Variants in RAD1 observed in about 807,000 individuals in gnomAD.
RAD1 encodes the protein RAD1 checkpoint DNA exonuclease.
RAD1 carries 21 observed loss-of-function variants against 30.0 expected under a neutral mutation model. That is an observed-to-expected ratio of 0.70 (90% CI 0.50 to 1.01). The LOEUF is 1.01. Ranked by LOEUF, RAD1 falls within the 50% of genes least tolerant of loss-of-function variation. The pLI is 0.00. For synonymous variants in RAD1, 109 were observed against 113.6 expected, an observed-to-expected ratio of 0.96 and a Z score of 0.26; for missense variants, 329 against 329.0, an observed-to-expected ratio of 1.00 and a Z score of 0.00.
chr5:34,911,919 TTCTCACATATATGTA>T, intron 3 of RAD1, 107 bp from the exon 4 acceptor site: 1 of 1,288,174 alleles, frequency 7.8e-7, no homozygotes, highest in Non-Finnish European at 1.1e-6. Context: ...TCCGCCCAAT[TTCTCACATATATGTA>T]TCTCCTCATA....
Position 34,907,584 on chromosome 5 carries a change from C to A in RAD1, c.*1181G>T, listed in dbSNP as rs1284973185. 1.3e-5 allele frequency: 2 copies of A among 152,096 alleles called. No homozygotes were observed. Among genetic ancestry groups the A allele is most frequent in the Non-Finnish European group, 2.9e-5 (2 of 68,008 alleles). 9.4% of individuals were successfully genotyped at this position (152,096 alleles called of 1,614,324 possible). ...TTTAGTGACAACTACCAGGAAAGTA[C>A]AAAATCACTTAATAACTGGTTTTCT... On this transcript the variant is annotated 3_prime_UTR_variant, in exon 6 of 6. Transcript: ENST00000382038.
chr5:34,910,898 T>TA (rs1282210296), intron 4 of RAD1, among the ~76,000 whole-genome samples: 2 of 152,358 alleles, frequency 1.3e-5, no homozygotes, highest in African/African-American at 2.4e-5. Context: ...AGACTTGTGT[T>TA]AAACTATCAA....
rs368310001 is a variant in RAD1 at position 34,908,827 on chromosome 5, G to T, written c.787C>A (p.Gln263Lys). The change falls in exon 6 of 6, where the codon CAA becomes AAA. Residue 263 changes from glutamine to lysine, a missense_variant. Coordinates refer to ENST00000382038, the MANE Select transcript of RAD1 (RefSeq NM_002853.4). ...LQYMIRNEDG[Q>K]ICFVEYYCCP... ...CAGTAATATTCCACAAAACATATTT[G>T]TCCATCTTCATTTCTAATCATATAC... The T allele has an allele frequency of 1.7e-5, 28 of 1,612,734 alleles. No individual in the cohort carries two copies. Among genetic ancestry groups the T allele is most frequent in the Non-Finnish European group, 2.2e-5 (26 of 1,179,610 alleles).
chr5:34,915,504 T>C lies in RAD1; in HGVS notation c.-158A>G, dbSNP rs1159554274. The C allele has an allele frequency of 4.6e-6, 2 of 438,248 alleles. No homozygotes were observed. Among genetic ancestry groups the C allele is most frequent in the Non-Finnish European group, 8.0e-6 (2 of 251,278 alleles). 27.1% of individuals were successfully genotyped at this position (438,248 alleles called of 1,614,324 possible). A position where few individuals can be genotyped will look rare whatever the true frequency, so the allele number is the denominator to read the frequency against. ...CGGCTCCGAGGAACCGCGGAGGAAG[T>C]GAAGCCAGTCCCGCCACTCTTCAGA... On this transcript the variant is annotated 5_prime_UTR_variant, in exon 1 of 6. Coordinates refer to ENST00000382038, the MANE Select transcript of RAD1 (RefSeq NM_002853.4).
In RAD1 at chr5:34,913,584, A is replaced by G; in HGVS notation, c.199-6T>C. The G allele has an allele frequency of 6.6e-7, 1 of 1,519,122 alleles. No homozygotes were observed. The highest frequency in any genetic ancestry group is 9.0e-7 in the Non-Finnish European group (1 of 1,114,940). 94.1% of individuals were successfully genotyped at this position (1,519,122 alleles called of 1,614,324 possible). A position where few individuals can be genotyped will look rare whatever the true frequency, so the allele number is the denominator to read the frequency against. On this transcript the variant is annotated splice_region_variant and splice_polypyrimidine_tract_variant and intron_variant, in intron 2 of 5. Transcript: ENST00000382038. ...AACTCCTGAAATATTCCAGCCTATG[A>G]AAAGAGTAAAAATGAAAATTGTTAC...
In RAD1 at chr5:34,906,134, T is replaced by C. The variant is rs1288241256; in HGVS notation, c.*2631A>G. 6.6e-6 allele frequency: 1 copy of C among 151,876 alleles called. No homozygotes were observed. The highest frequency in any genetic ancestry group is 1.9e-4 in the East Asian group (1 of 5,136). 9.4% of individuals were successfully genotyped at this position (151,876 alleles called of 1,614,324 possible). On this transcript the variant is annotated 3_prime_UTR_variant, in exon 6 of 6. Transcript: ENST00000382038. ...CACACCCAGCTAATTTTTGTATTTT[T>C]AGTAGAGGTAGGGGTTTCACCATGT... is the stretch of plus-strand genomic sequence containing the variant.
chr5:34,911,777 A>G lies in RAD1; in HGVS notation c.343T>C (p.Tyr115His). ...AGGAACAGCATCAAAGGGTAACCAT[A>G]ACCTTGGTAACACATTCGAAGTGCA... The part of the protein sequence containing the change: ...LTALRMCYQG[Y>H]GYPLMLFLEE... Residue 115 changes from tyrosine (Y) to histidine (H), a missense_variant, in exon 4 of 6, where the codon TAT (tyrosine) becomes CAT (histidine). Tyr to His is a moderately conservative substitution (Grantham distance 83). Transcript: ENST00000382038. 6.2e-7 allele frequency: 1 copy of G among 1,614,166 alleles called. No individual in the cohort carries two copies. Among genetic ancestry groups the G allele is most frequent in the Non-Finnish European group, 8.5e-7 (1 of 1,180,014 alleles).
rs1386900301 is a variant in RAD1, at chr5:34,905,641, G to C, written c.*3124C>G. On this transcript the variant is annotated 3_prime_UTR_variant, in exon 6 of 6. Coordinates refer to ENST00000382038, the MANE Select transcript of RAD1 (RefSeq NM_002853.4). ...AGTAAGCACCATTTTACTAGAAAGA[G>C]AGATAAACTTCAAAAAGACAGAACT... The C allele has an allele frequency of 6.6e-6, 1 of 151,930 alleles. No individual in the cohort carries two copies. Among genetic ancestry groups the C allele is most frequent in the Non-Finnish European group, 1.5e-5 (1 of 67,990 alleles). 9.4% of individuals were successfully genotyped at this position (151,930 alleles called of 1,614,324 possible). A position where few individuals can be genotyped will look rare whatever the true frequency, so the allele number is the denominator to read the frequency against.
chr5:34,915,031 G>C (rs1764003502), intron 1 of RAD1, 70 bp from the exon 2 acceptor site: 1 of 832,690 alleles, frequency 1.2e-6, no homozygotes, highest in African/African-American at 1.7e-5. Flanking sequence ...TGCGCTGAGA[G>C]GTGGAAAGGG....
rs2111925217 is a variant in RAD1 at position 34,907,825 on chromosome 5, A to G, written c.*940T>C. ...TTTGGTGATGCCTCAACTTCAGAAC[A>G]TTTGCAAGGAAATCACATGTAAAAG... On this transcript the variant is annotated 3_prime_UTR_variant, in exon 6 of 6. Coordinates refer to ENST00000382038, the MANE Select transcript of RAD1 (RefSeq NM_002853.4). The G allele has an allele frequency of 6.6e-6, 1 of 152,368 alleles. No homozygotes were observed. Among genetic ancestry groups the G allele is most frequent in the South Asian group, 2.1e-4 (1 of 4,832 alleles). 9.4% of individuals were successfully genotyped at this position (152,368 alleles called of 1,614,324 possible).
In RAD1 at chr5:34,913,502, C is replaced by A; in HGVS notation, c.275G>T (p.Cys92Phe). 1 of 1,596,102 alleles carries A rather than the reference C, an allele frequency of 6.3e-7. No homozygotes were observed. Among genetic ancestry groups the A allele is most frequent in the Admixed American group, 1.7e-5 (1 of 57,486 alleles). Reference sequence around the variant, plus strand: ...AGGACTTGATCCAAAAATAGATAAACAGTCTAAAAGGACAGTTAAATTAAT... The same window carrying A: ...AGGACTTGATCCAAAAATAGATAAAAAGTCTAAAAGGACAGTTAAATTAAT... ...FRINLTVLLD[C>F]LSIFGSSPMP... Residue 92 changes from cysteine to phenylalanine, a missense_variant, in exon 3 of 6, where the codon TGT becomes TTT. Physicochemically the swap from Cys to Phe is radical, Grantham distance 205 (BLOSUM62 -2). Transcript: ENST00000382038.
At chr5:34,910,844 CCTCT>C (rs796781193) in intron 4 of RAD1, among the ~76,000 whole-genome samples, 9 of 152,254 alleles carry the variant, frequency 5.9e-5, no homozygotes, top group African/African-American at 1.7e-4. Context: ...ATATTTAGAT[CCTCT>C]CTCTAAATTG....
At chr5:34,909,668 A>G (rs1763767951) in intron 4 of RAD1, among the ~76,000 whole-genome samples, 1 of 152,140 alleles carries the variant, frequency 6.6e-6, no homozygotes, top group Non-Finnish European at 1.5e-5. Flanking sequence ...CAGGCGAGAG[A>G]ATTGAGGACT....
intron 4 of RAD1, 131 bp downstream of exon 4, chr5:34,911,423 G>C (rs1763834155): frequency 1.9e-6 from 2 of 1,077,602 alleles, no homozygotes; most frequent in Non-Finnish European, 2.7e-6. Flanking sequence ...TATGAGGTAA[G>C]AGTACAAGCT....
intron 3 of RAD1, among the ~76,000 whole-genome samples, 173 bp from the exon 4 acceptor site, chr5:34,911,985 G>C (rs2069474): frequency 0.03 from 4,620 of 152,240 alleles, 105 homozygotes; most frequent in Non-Finnish European, 0.045. Flanking sequence ...TGTGTGTAGA[G>C]AATTCCAAAA....
intron 4 of RAD1, among the ~76,000 whole-genome samples, chr5:34,909,924 A>G (rs547596845): frequency 2.2e-4 from 33 of 152,338 alleles, no homozygotes; most frequent in Admixed American, 8.5e-4. Context: ...GAGCATGGCG[A>G]TAAGATCCAG....
rs1357715052 is a variant in RAD1 at position 34,906,285 on chromosome 5, TATCC to T, written c.*2476_*2479del. On this transcript the variant is annotated 3_prime_UTR_variant, in exon 6 of 6. Transcript: ENST00000382038. ...AATAATAGTTTTAAATGTACAAAAA[TATCC>T]ATCCTTACTGAGCTGATTTATATTT... 6.6e-6 allele frequency: 1 copy of T among 152,132 alleles called. No homozygotes were observed. The highest frequency in any genetic ancestry group is 1.5e-5 in the Non-Finnish European group (1 of 68,014). The allele number at this position is 152,132 out of a possible 1,614,324, so 9.4% of individuals were successfully genotyped here.
Position 34,913,535 on chromosome 5 carries a change from G to T in RAD1, c.242C>A (p.Thr81Asn). ...QEFKVQEESV[T>N]FRINLTVLLD... ...AAGGACAGTTAAATTAATTCGAAAA[G>T]TAACAGACTCTTCCTGAACTTTAAA... is the stretch of plus-strand genomic sequence containing the variant. The change falls in exon 3 of 6, where the codon ACT (threonine) becomes AAT (asparagine). Residue 81 changes from threonine (T) to asparagine (N), a missense_variant. Coordinates refer to ENST00000382038, the MANE Select transcript of RAD1 (RefSeq NM_002853.4). 1 of 1,604,756 alleles carries T rather than the reference G, an allele frequency of 6.2e-7. No homozygotes were observed. Among genetic ancestry groups the T allele is most frequent in the South Asian group, 1.1e-5 (1 of 90,020 alleles).
In RAD1 at chr5:34,913,539, CAG is replaced by C; in HGVS notation, c.236_237del (p.Ser79CysfsTer6). The C allele has an allele frequency of 1.2e-6, 2 of 1,603,408 alleles. No homozygotes were observed. The highest frequency in any genetic ancestry group is 1.7e-6 in the Non-Finnish European group (2 of 1,174,652). ...ACAGTTAAATTAATTCGAAAAGTAA[CAG>C]ACTCTTCCTGAACTTTAAACTCCTG... ...IFQEFKVQEE[S>X]VTFRINLTVL... On this transcript the variant is annotated frameshift_variant, in exon 3 of 6. Coordinates refer to ENST00000382038, the MANE Select transcript of RAD1 (RefSeq NM_002853.4). LOFTEE classifies it high-confidence loss of function.
Sources: gnomAD v4.1 joint callset for allele counts (sites outside exome capture counted in the v4.1 genomes callset) on GRCh38, gnomAD v4.1.1 for gene constraint, MANE v1.5 for transcripts, NCBI Gene and HGNC (gene_info 2026-07-23, HGNC 2026-07-21) for gene names.